Variants in TGM7 observed in about 807,000 individuals in gnomAD.
TGM7 encodes protein-glutamine gamma-glutamyltransferase Z.
Under a neutral mutation model 79.5 loss-of-function variants are expected in TGM7, and 74 were observed. The observed-to-expected ratio is 0.93, with a 90% CI of 0.77 to 1.13. The LOEUF (loss-of-function observed/expected upper bound fraction) is 1.13. Among genes scored for constraint, TGM7 ranks in the 50% most tolerant of loss-of-function variants. The pLI, the probability that TGM7 is intolerant of heterozygous loss-of-function variation, is 0.00. For synonymous variants in TGM7, 354 were observed against 362.5 expected (o/e 0.98, Z 0.27); for missense variants, 912 against 905.9 (o/e 1.01, Z -0.09).
chr15:43,286,500 C>T (rs1203503346), intron 6 of TGM7, among the ~76,000 whole-genome samples: 1 of 152,214 alleles, frequency 6.6e-6, no homozygotes, highest in Non-Finnish European at 1.5e-5. Flanking sequence ...TCCTCTGTGT[C>T]TGCAGCACCT....
At position 43,287,540 on chromosome 15, in the gene TGM7, C is replaced by T. The variant is rs151213644; in HGVS notation, c.687+1G>A. 1.2e-4 allele frequency: 196 copies of T among 1,613,554 alleles called. 1 individual carries two copies. The African/African-American group carries it at 2.4e-3, about 20-fold the overall frequency. On this transcript the variant is annotated splice_donor_variant, in intron 5 of 12. Coordinates refer to ENST00000452443, the MANE Select transcript of TGM7 (RefSeq NM_052955.3). LOFTEE classifies it high-confidence loss of function. The stretch of plus-strand genomic sequence containing the variant: ...AGACGGCGGGAAGCATCCATCCTTA[C>T]CATGGCACTCACCACCCTGCACACA...
At position 43,282,105 on chromosome 15, in the gene TGM7, A is replaced by G; in HGVS notation, c.1109-19T>C. On this transcript the variant is annotated intron_variant, in intron 8 of 12. Transcript: ENST00000452443. ...AACAGCCCTGTGGAGGCAACAGGCT[A>G]CTGATATGGGGGCCAGGGGCAGCTG... 6.2e-7 allele frequency: 1 copy of G among 1,612,072 alleles called. No individual in the cohort carries two copies. Among genetic ancestry groups the G allele is most frequent in the Non-Finnish European group, 8.5e-7 (1 of 1,178,508 alleles).
At chr15:43,296,043 T>C (rs544592727) in intron 1 of TGM7, among the ~76,000 whole-genome samples, 4 of 152,294 alleles carry the variant, frequency 2.6e-5, no homozygotes, top group Non-Finnish European at 5.9e-5. Flanking sequence ...TGGAATGGAA[T>C]AGAAAACATA....
At chr15:43,282,684 T>A in intron 7 of TGM7, 64 bp from the exon 8 acceptor site, 1 of 1,215,738 alleles carries the variant, frequency 8.2e-7, no homozygotes, top group Non-Finnish European at 1.2e-6. Context: ...TACCAGGCAC[T>A]ATACGGAGTG....
rs753572255 is a variant in TGM7 at position 43,276,477 on chromosome 15, A to T, written c.2111T>A (p.Val704Asp). The T allele has an allele frequency of 2.2e-5, 35 of 1,613,748 alleles. No homozygotes were observed. The East Asian group carries it at 7.6e-4, about 35-fold the overall frequency. Residue 704 changes from valine to aspartate, a missense_variant, in exon 13 of 13, where the codon GTC (valine) becomes GAC (aspartate). By Grantham distance (152) the Val-to-Asp change is radical. Coordinates refer to ENST00000452443, the MANE Select transcript of TGM7 (RefSeq NM_052955.3). ...KEIKGYKDIF[V>D]TVAGAP ...GTCTCAGGGAGCCCCAGCCACAGTG[A>T]CGAAGATGTCCTTGTAGCCTTTGAT...
chr15:43,295,225 A>G (rs1054269247), intron 1 of TGM7, among the ~76,000 whole-genome samples: 6 of 152,212 alleles, frequency 3.9e-5, no homozygotes, highest in Admixed American at 1.3e-4. Context: ...GTTTCTAAGC[A>G]TTAGAGCCTA....
In TGM7 at chr15:43,293,489, G is replaced by C; in HGVS notation, c.153C>G (p.Phe51Leu). 1 of 1,611,296 alleles carries C rather than the reference G, an allele frequency of 6.2e-7. No individual in the cohort carries two copies. The part of the protein sequence containing the change: ...FYLRLSFSRP[F>L]QSQNDHITFV... The stretch of plus-strand genomic sequence containing the variant: ...AGGTGATGTGGTCGTTCTGGGACTG[G>C]AAGGGTCGGCTGAAGCTCAGCCGGA... Residue 51 changes from phenylalanine (F) to leucine (L), a missense_variant, in exon 2 of 13, where the codon TTC (phenylalanine) becomes TTG (leucine). Transcript: ENST00000452443.
At chr15:43,284,302 A>T (rs1307221420) in intron 7 of TGM7, among the ~76,000 whole-genome samples, 1 of 151,900 alleles carries the variant, frequency 6.6e-6, no homozygotes, top group Non-Finnish European at 1.5e-5. Context: ...AGGAACCAGG[A>T]AAAGAAGCCA....
chr15:43,284,862 T>C lies in TGM7; in HGVS notation c.956A>G (p.Tyr319Cys). 6.2e-7 allele frequency: 1 copy of C among 1,614,186 alleles called. No homozygotes were observed. The highest frequency in any genetic ancestry group is 8.5e-7 in the Non-Finnish European group (1 of 1,180,030). ...TGACAGCATCTCGGCATTTCGGTCA[T>C]AGTACGTATCGATGGTCAAGTTCCT... Reference protein sequence around the residue: ...VDRNLTIDTYYDRNAEMLSTQ... With the variant: ...VDRNLTIDTYCDRNAEMLSTQ... The change falls in exon 7 of 13, where the codon TAT becomes TGT. Residue 319 changes from tyrosine to cysteine, a missense_variant. Tyr to Cys is a radical substitution (Grantham distance 194). Coordinates refer to ENST00000452443, the MANE Select transcript of TGM7 (RefSeq NM_052955.3).
In TGM7 at chr15:43,284,872, C is replaced by T. The variant is rs748611107; in HGVS notation, c.946G>A (p.Asp316Asn). The change falls in exon 7 of 13, where the codon GAT (aspartate) becomes AAT (asparagine). Residue 316 changes from aspartate to asparagine, a missense_variant. Physicochemically the swap from Asp to Asn is conservative, Grantham distance 23. Coordinates refer to ENST00000452443, the MANE Select transcript of TGM7 (RefSeq NM_052955.3). Reference sequence around the variant, plus strand: ...TCGGCATTTCGGTCATAGTACGTATCGATGGTCAAGTTCCTATCCACGTTG... The same window carrying T: ...TCGGCATTTCGGTCATAGTACGTATTGATGGTCAAGTTCCTATCCACGTTG... ...AHNVDRNLTI[D>N]TYYDRNAEML... 8 of 1,614,018 alleles carry T rather than the reference C, an allele frequency of 5.0e-6. No individual in the cohort carries two copies. The highest frequency in any genetic ancestry group is 2.2e-5 in the East Asian group (1 of 44,892).
intron 1 of TGM7, among the ~76,000 whole-genome samples, chr15:43,300,968 T>C (rs1173467058): frequency 6.6e-6 from 1 of 152,088 alleles, no homozygotes; most frequent in East Asian, 1.9e-4. Context: ...TTAAAAACCA[T>C]TTATATCTCT....
Position 43,287,593 on chromosome 15 carries a change from T to G in TGM7, c.635A>C (p.Asp212Ala), listed in dbSNP as rs2042942711. ...SLYHLKNPAK[D>A]CSQRNDVVYV... ...CACCACGTCGTTCCGCTGGGAACAG[T>G]CTTTGGCCGGGTTCTTTAAGTGATA... Residue 212 changes from aspartate (D) to alanine (A), a missense_variant, in exon 5 of 13, where the codon GAC becomes GCC. Coordinates refer to ENST00000452443, the MANE Select transcript of TGM7 (RefSeq NM_052955.3). 6.2e-7 allele frequency: 1 copy of G among 1,613,984 alleles called. No individual in the cohort carries two copies. The highest frequency in any genetic ancestry group is 1.3e-5 in the African/African-American group (1 of 74,870).
chr15:43,291,849 C>T, intron 4 of TGM7, 130 bp downstream of exon 4: 1 of 619,080 alleles, frequency 1.6e-6, no homozygotes, highest in East Asian at 2.8e-5. Flanking sequence ...CTGGCCAAGC[C>T]CCTCACACCC....
At position 43,276,851 on chromosome 15, in the gene TGM7, G is replaced by A. The variant is rs191619605; in HGVS notation, c.1973+11C>T. Reference sequence around the variant, plus strand: ...ACCAGCAAGGGGGAGGTGGGCAGAAGCGTCACTTACTCCTTTGCTATCTGC... The same window carrying A: ...ACCAGCAAGGGGGAGGTGGGCAGAAACGTCACTTACTCCTTTGCTATCTGC... On this transcript the variant is annotated intron_variant, in intron 12 of 12. Transcript: ENST00000452443. 556 of 1,613,232 alleles carry A rather than the reference G, an allele frequency of 3.4e-4. 3 individuals are homozygous for A. The highest frequency in any genetic ancestry group is 2.7e-5 in the Non-Finnish European group (32 of 1,179,486).
chr15:43,294,542 A>G (rs998607718), intron 1 of TGM7, among the ~76,000 whole-genome samples: 3 of 152,252 alleles, frequency 2.0e-5, no homozygotes, highest in African/African-American at 7.2e-5. Flanking sequence ...GCGTTGTGCC[A>G]GGTACAGAGT....
Position 43,279,939 on chromosome 15 carries a change from T to C in TGM7, c.1364A>G (p.Glu455Gly), listed in dbSNP as rs1024324884. The change falls in exon 10 of 13, where the codon GAG becomes GGG. Residue 455 changes from glutamate (E) to glycine (G), a missense_variant. Transcript: ENST00000452443. Reference sequence around the variant, plus strand: ...AGAAGCCTTCATGAAGACAGCTCTCTCCTCAGGGGATCCTGCAGAAGGGAG... The same window carrying C: ...AGAAGCCTTCATGAAGACAGCTCTCCCCTCAGGGGATCCTGCAGAAGGGAG... ...SYKYPEGSPEERAVFMKASRK... is the reference protein window; with the variant it reads ...SYKYPEGSPEGRAVFMKASRK... The C allele has an allele frequency of 2.5e-6, 4 of 1,613,682 alleles. No individual in the cohort carries two copies. The highest frequency in any genetic ancestry group is 1.7e-6 in the Non-Finnish European group (2 of 1,179,756).
In TGM7 at chr15:43,287,687, G is replaced by C. The variant is rs376975707; in HGVS notation, c.559-18C>G. ...TCTTCAAACTTCCAAGTGATTTTAA[G>C]GGAGAAAAAAGAGAAGAGCAAATGT... On this transcript the variant is annotated intron_variant, in intron 4 of 12. Coordinates refer to ENST00000452443, the MANE Select transcript of TGM7 (RefSeq NM_052955.3). 3 of 1,595,802 alleles carry C rather than the reference G, an allele frequency of 1.9e-6. No individual in the cohort carries two copies. The highest frequency in any genetic ancestry group is 2.6e-6 in the Non-Finnish European group (3 of 1,174,680).
At chr15:43,298,482 C>T (rs561401533) in intron 1 of TGM7, among the ~76,000 whole-genome samples, 27 of 152,272 alleles carry the variant, frequency 1.8e-4, no homozygotes, top group Admixed American at 3.3e-4. Context: ...AACGGCCAGG[C>T]GCGGTGGCTC....
chr15:43,281,757 G>A, intron 9 of TGM7, 87 bp downstream of exon 9: 3 of 1,559,416 alleles, frequency 1.9e-6, no homozygotes, highest in Non-Finnish European at 2.6e-6. Context: ...TGATTCGATG[G>A]TGATGGTTTC....
Sources: allele counts gnomAD v4.1 joint callset (sites outside exome capture counted in the v4.1 genomes callset), GRCh38; gene constraint gnomAD v4.1.1; transcripts MANE v1.5; gene names NCBI Gene and HGNC (gene_info 2026-07-23, HGNC 2026-07-21).